Variants in DISP1 observed in about 807,000 individuals in gnomAD.
DISP1 encodes protein dispatched homolog 1.
Under a neutral mutation model 37.3 loss-of-function variants are expected in DISP1, and 30 were observed. That is an observed-to-expected ratio of 0.80 (90% confidence interval 0.60 to 1.09). The LOEUF is 1.09. Ranked by LOEUF, DISP1 falls within the 50% of genes least tolerant of loss-of-function variation. The pLI is 0.00. For synonymous variants in DISP1, 634 were observed against 690.2 expected (o/e 0.92, Z 1.28); for missense variants, 1,598 against 1,879.5 (o/e 0.85, Z 2.77).
Position 223,003,550 on chromosome 1 carries a change from G to C in DISP1, c.2153G>C (p.Arg718Pro). The C allele has an allele frequency of 6.2e-7, 1 of 1,614,102 alleles. No individual in the cohort carries two copies. Among genetic ancestry groups the C allele is most frequent in the Non-Finnish European group, 8.5e-7 (1 of 1,180,044 alleles). ...TTGCCATGCATTGTCATTAAGTTTC[G>C]CTACCTTTGGCTGTTTTGGTTCCTT... Reference protein sequence around the residue: ...KVLPCIVIKFRYLWLFWFLAL... With the variant: ...KVLPCIVIKFPYLWLFWFLAL... The change falls in exon 9 of 9, where the codon CGC becomes CCC. Residue 718 changes from arginine (R) to proline (P), a missense_variant. Physicochemically the swap from Arg to Pro is moderately radical, Grantham distance 103 (BLOSUM62 -2). Transcript: ENST00000675850. This position sits in a 1 kb window ranked among gnomAD's most constrained non-coding sequence, Gnocchi z 4.3.
rs566180539 is a variant in DISP1, at chr1:222,825,127, G to A, written c.-159+10049G>A. Among the ~76,000 whole-genome samples, 107 of 144,474 alleles carry A rather than the reference G, an allele frequency of 7.4e-4. 1 individual carries two copies. Among genetic ancestry groups the A allele is most frequent in the Non-Finnish European group, 1.4e-3 (93 of 66,018 alleles). The allele number at this position is 144,474 out of a possible 152,430, so 94.8% of individuals were successfully genotyped here. ...CCAGTTAACAGTTCGGTCTCAAATAGTCTCTCCCCAGGGATGGGGAATGTG... is the reference window on the plus strand; with the variant it reads ...CCAGTTAACAGTTCGGTCTCAAATAATCTCTCCCCAGGGATGGGGAATGTG... On this transcript the variant is annotated intron_variant, in intron 1 of 8. Coordinates refer to ENST00000675850, the MANE Select transcript of DISP1 (RefSeq NM_001377229.1).
intron 3 of DISP1, among the ~76,000 whole-genome samples, chr1:222,977,204 A>ATTT: frequency 6.7e-6 from 1 of 150,304 alleles, no homozygotes; most frequent in Admixed American, 6.6e-5. Context: ...TAGTTTTTGT[A>ATTT]TTTTTTTTTA....
chr1:222,955,332 G>GCCTCGACCTCCCAAATT (rs1675520947), intron 3 of DISP1, among the ~76,000 whole-genome samples: 1 of 152,076 alleles, frequency 6.6e-6, no homozygotes, highest in Non-Finnish European at 1.5e-5. Flanking sequence ...TGATCTACCT[G>GCCTCGACCTCCCAAATT]CCTCGACCTC....
At chr1:222,905,560 A>G (rs1671848393) in intron 1 of DISP1, among the ~76,000 whole-genome samples, 2 of 152,216 alleles carry the variant, frequency 1.3e-5, no homozygotes, top group South Asian at 2.1e-4. Context: ...CAAACTTCTT[A>G]TAAGACTATT....
chr1:222,954,014 G>T (rs948793683), intron 3 of DISP1, among the ~76,000 whole-genome samples: 4 of 151,336 alleles, frequency 2.6e-5, no homozygotes, highest in African/African-American at 9.7e-5. Context: ...TTCCATATTC[G>T]TGCTAGTTAT....
Position 223,003,620 on chromosome 1 carries a change from G to T in DISP1, c.2223G>T (p.Lys741Asn), listed in dbSNP as rs1255144246. 2.5e-6 allele frequency: 4 copies of T among 1,614,200 alleles called. No individual in the cohort carries two copies. The highest frequency in any genetic ancestry group is 3.4e-6 in the Non-Finnish European group (4 of 1,180,038). The change falls in exon 9 of 9, where the codon AAG (lysine) becomes AAT (asparagine). Residue 741 changes from lysine to asparagine, a missense_variant. Physicochemically the swap from Lys to Asn is moderately conservative, Grantham distance 94 (BLOSUM62 0). Coordinates refer to ENST00000675850, the MANE Select transcript of DISP1 (RefSeq NM_001377229.1). This position sits in a 1 kb window ranked among gnomAD's most constrained non-coding sequence, Gnocchi z 4.3. ...GGAYIVCINP[K>N]MKLPSLELSE... ...CCTACATTGTATGTATAAATCCAAAGATGAAACTGCCCTCACTGGAGTTAT... is the reference window on the plus strand; with the variant it reads ...CCTACATTGTATGTATAAATCCAAATATGAAACTGCCCTCACTGGAGTTAT...
At chr1:222,895,632 TAA>T (rs2125395075) in intron 1 of DISP1, among the ~76,000 whole-genome samples, 1 of 152,292 alleles carries the variant, frequency 6.6e-6, no homozygotes, top group East Asian at 1.9e-4. Context: ...TGGAACAGAA[TAA>T]AGAGTCCTGA....
chr1:222,990,002 C>T (rs1386160729), intron 4 of DISP1, among the ~76,000 whole-genome samples: 3 of 151,992 alleles, frequency 2.0e-5, no homozygotes, highest in Non-Finnish European at 2.9e-5. Context: ...CAGGGTTTCA[C>T]CGTGTTAGTC....
chr1:222,820,733 A>G (rs1662639096), intron 1 of DISP1, among the ~76,000 whole-genome samples: 1 of 152,226 alleles, frequency 6.6e-6, no homozygotes, highest in South Asian at 2.1e-4. Context: ...AAATATGCAT[A>G]GTAATACCTA....
chr1:222,869,784 CT>C (rs543763658), intron 1 of DISP1, among the ~76,000 whole-genome samples: 121 of 151,858 alleles, frequency 8.0e-4, no homozygotes, highest in African/African-American at 2.8e-3. Context: ...CTTACCACCT[CT>C]TTTTTTTAAT....
At chr1:222,913,566 T>C (rs1043975638) in intron 1 of DISP1, among the ~76,000 whole-genome samples, 4 of 152,140 alleles carry the variant, frequency 2.6e-5, no homozygotes, top group Non-Finnish European at 4.4e-5. Context: ...CCTTAACTTT[T>C]TGTCTTTAAA....
chr1:222,838,702 T>TA (rs1365431362), intron 1 of DISP1, among the ~76,000 whole-genome samples: 2 of 152,342 alleles, frequency 1.3e-5, no homozygotes, highest in East Asian at 3.9e-4. Flanking sequence ...AGCTCAGAGT[T>TA]AGAGGTTACA....
intron 1 of DISP1, among the ~76,000 whole-genome samples, chr1:222,850,608 G>T (rs1668173605): frequency 1.3e-5 from 2 of 152,016 alleles, no homozygotes; most frequent in South Asian, 4.2e-4. Flanking sequence ...CCCCCATCAA[G>T]TAGACCCCAA....
chr1:222,979,582 T>C (rs1305854737), intron 3 of DISP1: 7 of 470,974 alleles, frequency 1.5e-5, no homozygotes. Context: ...TGTAATTGTA[T>C]TTGAAAATAC....
At chr1:222,951,010 A>G (rs996466378) in intron 3 of DISP1, among the ~76,000 whole-genome samples, 2 of 152,208 alleles carry the variant, frequency 1.3e-5, no homozygotes, top group African/African-American at 4.8e-5. Flanking sequence ...ATGATAGGGA[A>G]CCTGTGATAT....
Position 223,005,507 on chromosome 1 carries a change from C to G in DISP1, c.4110C>G (p.Gly1370=). 1 of 1,613,970 alleles carries G rather than the reference C, an allele frequency of 6.2e-7. No individual in the cohort carries two copies. Among genetic ancestry groups the G allele is most frequent in the Non-Finnish European group, 8.5e-7 (1 of 1,180,022 alleles). ...ACATTCAGGCCCAAGAAAAAATTGG[C>G]AAGACCAATGTACACAGTCTTCAGA... ...VQHIQAQEKI[G]KTNVHSLQRS... is the part of the protein sequence containing the mutation. Residue 1370 remains glycine (G), a synonymous_variant, in exon 9 of 9, where the codon GGC becomes GGG. Coordinates refer to ENST00000675850, the MANE Select transcript of DISP1 (RefSeq NM_001377229.1).
At chr1:222,897,876 A>G (rs778095608) in intron 1 of DISP1, among the ~76,000 whole-genome samples, 8 of 152,204 alleles carry the variant, frequency 5.3e-5, no homozygotes, top group Non-Finnish European at 8.8e-5. Flanking sequence ...ATGTAAAAAC[A>G]TGTACATGTC....
At chr1:222,880,848 G>A (rs1405217376) in intron 1 of DISP1, among the ~76,000 whole-genome samples, 1 of 151,982 alleles carries the variant, frequency 6.6e-6, no homozygotes, top group African/African-American at 2.4e-5. Context: ...ATTACTTGAG[G>A]CTAGGAGTTC....
chr1:223,002,291 T>C, intron 8 of DISP1, 94 bp from the exon 9 acceptor site: 1 of 1,147,722 alleles, frequency 8.7e-7, no homozygotes, highest in Non-Finnish European at 1.3e-6. Context: ...ACTTTCCCTG[T>C]CCCTCAAGAT....
Sources: allele counts gnomAD v4.1 joint callset (sites outside exome capture counted in the v4.1 genomes callset), GRCh38; gene constraint gnomAD v4.1.1; non-coding constraint Gnocchi (gnomAD v3.1); transcripts MANE v1.5; gene names NCBI Gene and HGNC (gene_info 2026-07-23, HGNC 2026-07-21).